The following HDAC4 variants were observed in gnomAD, a reference collection of about 807,000 sequenced individuals.
HDAC4 encodes the protein histone deacetylase A.
In HDAC4, 16 loss-of-function variants were observed where a neutral mutation model predicts 135.1. The ratio of observed to expected loss-of-function variants is 0.12; its 90% CI spans 0.08 to 0.18. HDAC4 has a LOEUF of 0.18. HDAC4 is among the 10% of genes least tolerant of loss of function. HDAC4 has a pLI of 1.00. For missense variants in HDAC4, 1,143 were observed against 1,511.8 expected (o/e 0.76, Z 4.05); for synonymous variants, 685 against 653.4 (o/e 1.05, Z -0.74).
rs759438761 is a variant in HDAC4 at position 239,090,074 on chromosome 2, C to A, written c.2323G>T (p.Ala775Ser). 10 of 1,613,718 alleles carry A rather than the reference C, an allele frequency of 6.2e-6. No homozygotes were observed. The highest frequency in any genetic ancestry group is 7.6e-6 in the Non-Finnish European group (9 of 1,179,880). ...TIWNEVHSAG[A>S]ARLAVGCVVE... The stretch of plus-strand genomic sequence containing the variant: ...ACGCAGCCCACAGCCAGGCGGGCTG[C>A]CCCCGCCGAGTGCACCTCGTTCCAT... Residue 775 changes from alanine (A) to serine (S), a missense_variant, in exon 18 of 27, where the codon GCA becomes TCA. Physicochemically the swap from Ala to Ser is moderately conservative, Grantham distance 99. Coordinates refer to ENST00000543185, the MANE Select transcript of HDAC4 (RefSeq NM_001378414.1).
In HDAC4 at chr2:239,184,149, T is replaced by C. The variant is rs563682326; in HGVS notation, c.339+5684A>G. On this transcript the variant is annotated intron_variant, in intron 4 of 26. Coordinates refer to ENST00000543185, the MANE Select transcript of HDAC4 (RefSeq NM_001378414.1). ...GATTTTTACTCTTCATGCATTCGAC[T>C]GGGAATAGGCTGAAGTTAGGGAAGA... 2.7e-5 allele frequency among the ~76,000 whole-genome samples: 4 copies of C among 147,396 alleles called. No individual in the cohort carries two copies. In the South Asian group the frequency reaches 8.9e-4, roughly 33 times the overall value.
At chr2:239,330,361 G>A (rs936356419) in intron 2 of HDAC4, among the ~76,000 whole-genome samples, 1 of 152,268 alleles carries the variant, frequency 6.6e-6, no homozygotes, top group African/African-American at 2.4e-5. Context: ...TGCTAACCCT[G>A]CCTGGTTCCA....
intron 16 of HDAC4, among the ~76,000 whole-genome samples, chr2:239,096,181 G>A (rs1559417696): frequency 6.6e-6 from 1 of 152,112 alleles, no homozygotes; most frequent in Non-Finnish European, 1.5e-5. Context: ...GGGCTTGCCG[G>A]CCCGGTTAGC....
intron 2 of HDAC4, among the ~76,000 whole-genome samples, chr2:239,280,969 CAATGAACACACCACTCTA>C (rs2050690270): frequency 1.5e-5 from 2 of 131,714 alleles, no homozygotes; most frequent in African/African-American, 2.9e-5. Context: ...CACCACTCTA[CAATGAACACACCACTCTA>C]CACACAATGT....
chr2:239,078,568 A>G (rs780713567), intron 22 of HDAC4, among the ~76,000 whole-genome samples: 1 of 152,238 alleles, frequency 6.6e-6, no homozygotes, highest in Non-Finnish European at 1.5e-5. Flanking sequence ...TCCTTTTCAA[A>G]GATGCTATTT....
At chr2:239,053,887 A>C (rs989060864) in intron 25 of HDAC4, among the ~76,000 whole-genome samples, 1 of 151,998 alleles carries the variant, frequency 6.6e-6, no homozygotes, top group Non-Finnish European at 1.5e-5. Flanking sequence ...CTGGCTTTCC[A>C]CGCTCACGGG....
intron 2 of HDAC4, among the ~76,000 whole-genome samples, chr2:239,255,148 A>C (rs1185408985): frequency 6.6e-6 from 1 of 152,272 alleles, no homozygotes. Context: ...AGAAAATCAT[A>C]TCCCAGGTGA....
chr2:239,291,429 G>A (rs1054106064), intron 2 of HDAC4, among the ~76,000 whole-genome samples: 13 of 152,206 alleles, frequency 8.5e-5, no homozygotes, highest in African/African-American at 3.1e-4. Flanking sequence ...CTGGGTGGCG[G>A]GGGGCCTGAG....
intron 2 of HDAC4, among the ~76,000 whole-genome samples, chr2:239,348,348 A>G (rs969982288): frequency 6.6e-6 from 1 of 152,238 alleles, no homozygotes; most frequent in Non-Finnish European, 1.5e-5. Context: ...TCTGGGCAAG[A>G]CTTTCTCTAG....
At chr2:239,382,441 A>G (rs181778880) in intron 1 of HDAC4, among the ~76,000 whole-genome samples, 3 of 152,366 alleles carry the variant, frequency 2.0e-5, no homozygotes, top group Non-Finnish European at 4.4e-5. Context: ...GATACTGGAA[A>G]TGCTTTAATA....
chr2:239,266,312 C>T (rs1044105899), intron 2 of HDAC4, among the ~76,000 whole-genome samples: 5 of 152,214 alleles, frequency 3.3e-5, no homozygotes, highest in African/African-American at 1.2e-4. Flanking sequence ...CAGGAGCCCA[C>T]ACTGAGATTC....
At chr2:239,353,053 G>C (rs1487035607) in intron 1 of HDAC4, 135 bp from the exon 2 acceptor site, 2 of 322,866 alleles carry the variant, frequency 6.2e-6, no homozygotes, top group South Asian at 6.0e-5. Flanking sequence ...GCCCAGGCTG[G>C]AGTGTGGTGG....
chr2:239,126,765 G>A, intron 11 of HDAC4, 71 bp from the exon 12 acceptor site: 1 of 1,501,020 alleles, frequency 6.7e-7, no homozygotes, highest in Non-Finnish European at 9.2e-7. Context: ...GGGCTATTGA[G>A]TAAGTGATGG....
At chr2:239,317,048 A>C (rs1349543589) in intron 2 of HDAC4, among the ~76,000 whole-genome samples, 1 of 152,220 alleles carries the variant, frequency 6.6e-6, no homozygotes, top group Non-Finnish European at 1.5e-5. Context: ...GAGCTTGCCA[A>C]AGTGGCTTTT....
At chr2:239,082,050 G>T in intron 21 of HDAC4, 52 bp downstream of exon 21, 1 of 1,581,914 alleles carries the variant, frequency 6.3e-7, no homozygotes, top group Non-Finnish European at 8.7e-7. Context: ...CCCCCACAGC[G>T]GCTCCCCGCA....
intron 5 of HDAC4, among the ~76,000 whole-genome samples, chr2:239,165,329 A>G (rs1449197989): frequency 2.0e-5 from 3 of 152,170 alleles, no homozygotes; most frequent in South Asian, 4.2e-4. Context: ...TCAAATCACC[A>G]TTTGCCCAAA....
At chr2:239,323,724 A>T (rs1021894960) in intron 2 of HDAC4, among the ~76,000 whole-genome samples, 2 of 152,104 alleles carry the variant, frequency 1.3e-5, no homozygotes, top group African/African-American at 4.8e-5. Flanking sequence ...GGATTTAAGG[A>T]GGAAGATGCC....
intron 1 of HDAC4, among the ~76,000 whole-genome samples, chr2:239,383,030 T>C (rs1431221160): frequency 6.6e-6 from 1 of 152,190 alleles, no homozygotes; most frequent in African/African-American, 2.4e-5. Context: ...GCTTACACTT[T>C]CTAACAACTC....
At chr2:239,053,649 G>A (rs964692317) in intron 25 of HDAC4, 48 bp from the exon 26 acceptor site, 2 of 1,584,262 alleles carry the variant, frequency 1.3e-6, no homozygotes, top group African/African-American at 2.7e-5. Flanking sequence ...CAACTTAGCA[G>A]GATGCACTGA....
Sources: gnomAD v4.1 joint callset for allele counts (sites outside exome capture counted in the v4.1 genomes callset) on GRCh38, gnomAD v4.1.1 for gene constraint, MANE v1.5 for transcripts, NCBI Gene and HGNC (gene_info 2026-07-23, HGNC 2026-07-21) for gene names.